The following MAP3K7 variants were observed in gnomAD, a reference collection of about 807,000 sequenced individuals.
MAP3K7 encodes mitogen-activated protein kinase kinase kinase 7.
Under a neutral mutation model 84.8 loss-of-function variants are expected in MAP3K7, and 21 were observed. The ratio of observed to expected loss-of-function variants is 0.25; its 90% CI spans 0.18 to 0.36. The LOEUF (loss-of-function observed/expected upper bound fraction) is 0.36. Among genes scored for constraint, MAP3K7 ranks in the 10% least tolerant of loss-of-function variants. The probability of loss-of-function intolerance (pLI) is 1.00; values close to 1 mark genes in which losing one functional copy is unlikely to be tolerated. For synonymous variants in MAP3K7, 241 were observed against 247.7 expected (o/e 0.97, Z 0.25); for missense variants, 503 against 747.7 (o/e 0.67, Z 3.82).
In MAP3K7 at chr6:90,547,270, C is replaced by T. The variant is rs781547814; in HGVS notation, c.1198G>A (p.Ala400Thr). 1.4e-5 allele frequency: 22 copies of T among 1,613,188 alleles called. No individual in the cohort carries two copies. The highest frequency in any genetic ancestry group is 1.8e-5 in the Non-Finnish European group (21 of 1,179,626). The part of the protein sequence containing the change: ...ADMSEIEARI[A>T]ATTAYSKPKR... ...AGTTCCTTTTTACCTGTGGTTGCGGCGATCCTAGCTTCTATTTCAGACATG... is the reference window on the plus strand; with the variant it reads ...AGTTCCTTTTTACCTGTGGTTGCGGTGATCCTAGCTTCTATTTCAGACATG... Residue 400 changes from alanine (A) to threonine (T), a missense_variant, in exon 11 of 17, where the codon GCC (alanine) becomes ACC (threonine). Physicochemically the swap from Ala to Thr is moderately conservative, Grantham distance 58 (BLOSUM62 0). Coordinates refer to ENST00000369329, the MANE Select transcript of MAP3K7 (RefSeq NM_145331.3).
In MAP3K7 at chr6:90,543,127, C is replaced by T. The variant is rs148143049; in HGVS notation, c.1291+1425G>A. Among the ~76,000 whole-genome samples, 719 of 152,160 alleles carry T rather than the reference C, an allele frequency of 4.7e-3. 1 individual carries two copies. The highest frequency in any genetic ancestry group is 8.0e-3 in the Non-Finnish European group (542 of 67,974). On this transcript the variant is annotated intron_variant, in intron 12 of 16. Transcript: ENST00000369329. The stretch of plus-strand genomic sequence containing the variant: ...TAAATGCTTCCACCTCTTTAAAGTA[C>T]GTCCCTTATACACAGTACCTTTCCG...
intron 7 of MAP3K7, among the ~76,000 whole-genome samples, chr6:90,552,954 T>C (rs568200074): frequency 7.2e-5 from 11 of 152,206 alleles, no homozygotes; most frequent in Admixed American, 2.0e-4. Context: ...TTTCCTAATC[T>C]GTAAAATGAG....
chr6:90,529,176 C>T (rs1775418302), intron 13 of MAP3K7, among the ~76,000 whole-genome samples: 1 of 152,208 alleles, frequency 6.6e-6, no homozygotes, highest in African/African-American at 2.4e-5. Context: ...GACTCTCCAT[C>T]AGCAGGTTTA....
intron 1 of MAP3K7, among the ~76,000 whole-genome samples, chr6:90,580,549 G>C (rs1483684609): frequency 6.6e-6 from 1 of 152,072 alleles, no homozygotes; most frequent in East Asian, 1.9e-4. Context: ...TCAAACTCCT[G>C]GCCTCATACA....
At chr6:90,558,177 C>T (rs1345470875) in intron 5 of MAP3K7, among the ~76,000 whole-genome samples, 1 of 151,958 alleles carries the variant, frequency 6.6e-6, no homozygotes, top group Non-Finnish European at 1.5e-5. Flanking sequence ...AAAAAATTAG[C>T]CAGGCATGGT....
chr6:90,523,687 C>G lies in MAP3K7; in HGVS notation c.1453G>C (p.Asp485His). The G allele has an allele frequency of 5.6e-6, 9 of 1,611,202 alleles. No homozygotes were observed. Among genetic ancestry groups the G allele is most frequent in the Non-Finnish European group, 6.8e-6 (8 of 1,177,516 alleles). Residue 485 changes from aspartate to histidine, a missense_variant, in exon 14 of 17, where the codon GAT (aspartate) becomes CAT (histidine). Physicochemically the swap from Asp to His is moderately conservative, Grantham distance 81. Coordinates refer to ENST00000369329, the MANE Select transcript of MAP3K7 (RefSeq NM_145331.3). ...GAAACAGACTGGTCACCTGTGGAAT[C>G]ATCAGGGGTCCATGGATGACTTCGA... is the stretch of plus-strand genomic sequence containing the variant. ...PTRSHPWTPD[D>H]STDTNGSDNS... is the part of the protein sequence containing the mutation.
chr6:90,523,346 T>C (rs1016989964), intron 14 of MAP3K7, among the ~76,000 whole-genome samples: 5 of 152,112 alleles, frequency 3.3e-5, no homozygotes, highest in African/African-American at 1.2e-4. Context: ...ATGACTTTAC[T>C]ACTATCATCT....
intron 4 of MAP3K7, 27 bp downstream of exon 4, chr6:90,561,595 G>A (rs762708993): frequency 1.9e-6 from 3 of 1,556,096 alleles, no homozygotes; most frequent in Non-Finnish European, 2.6e-6. Context: ...TAATCCACTA[G>A]ATAAAGACAG....
In MAP3K7 at chr6:90,516,625, C is replaced by A. The variant is rs767221108; in HGVS notation, c.1697G>T (p.Arg566Leu). The A allele has an allele frequency of 3.7e-6, 6 of 1,611,424 alleles. No individual in the cohort carries two copies. The highest frequency in any genetic ancestry group is 1.1e-5 in the South Asian group (1 of 90,662). ...QDEKDQQNTS[R>L]LVQEHKKLLD... ...AAGCTTTTTATGTTCCTGTACCAGG[C>A]GAGATGTATTTTGCTGGTCCTTTTC... The change falls in exon 17 of 17, where the codon CGC becomes CTC. Residue 566 changes from arginine to leucine, a missense_variant. Coordinates refer to ENST00000369329, the MANE Select transcript of MAP3K7 (RefSeq NM_145331.3).
chr6:90,559,221 C>A (rs191568588), intron 5 of MAP3K7, among the ~76,000 whole-genome samples: 1 of 152,116 alleles, frequency 6.6e-6, no homozygotes, highest in East Asian at 1.9e-4. Flanking sequence ...AGAGTTGGAA[C>A]CTATGTAGAG....
At chr6:90,576,556 A>G (rs1394879883) in intron 1 of MAP3K7, among the ~76,000 whole-genome samples, 1 of 152,120 alleles carries the variant, frequency 6.6e-6, no homozygotes, top group Non-Finnish European at 1.5e-5. Context: ...AGCCCAATCT[A>G]AGGGCTATGC....
In MAP3K7 at chr6:90,513,962, GATT is replaced by G. The variant is rs1178367401; in HGVS notation, c.*2536_*2538del. ...TGCTATGCGGTAAATATTCTTAACT[GATT>G]ATTATTCAACTCAAAAAAGTGATTT... On this transcript the variant is annotated 3_prime_UTR_variant, in exon 17 of 17. Transcript: ENST00000369329. 6.6e-6 allele frequency: 1 copy of G among 152,058 alleles called. No individual in the cohort carries two copies. Among genetic ancestry groups the G allele is most frequent in the Non-Finnish European group, 1.5e-5 (1 of 67,972 alleles). 9.4% of individuals were successfully genotyped at this position (152,058 alleles called of 1,614,324 possible). A position where few individuals can be genotyped will look rare whatever the true frequency, so the allele number is the denominator to read the frequency against.
chr6:90,550,418 T>A, intron 9 of MAP3K7, 50 bp downstream of exon 9: 1 of 1,183,614 alleles, frequency 8.4e-7, no homozygotes, highest in Non-Finnish European at 1.2e-6. Flanking sequence ...TTCATGGGAA[T>A]AGAGATGAAA....
At chr6:90,566,806 CAAA>C (rs1179990749) in intron 3 of MAP3K7, among the ~76,000 whole-genome samples, 1 of 152,176 alleles carries the variant, frequency 6.6e-6, no homozygotes, top group African/African-American at 2.4e-5. Flanking sequence ...TACCTGACTT[CAAA>C]CTATACTACA....
At chr6:90,560,587 CTT>C (rs1023501852) in intron 4 of MAP3K7, among the ~76,000 whole-genome samples, 3 of 152,154 alleles carry the variant, frequency 2.0e-5, no homozygotes. Flanking sequence ...GTCTTGATCT[CTT>C]GACCTCATGA....
chr6:90,559,323 CTA>C (rs778782894), intron 5 of MAP3K7, among the ~76,000 whole-genome samples: 1 of 151,718 alleles, frequency 6.6e-6, no homozygotes, highest in Non-Finnish European at 1.5e-5. Flanking sequence ...TAACTGAAGA[CTA>C]TACTGATTTC....
chr6:90,579,246 T>G (rs143267376), intron 1 of MAP3K7, among the ~76,000 whole-genome samples: 97 of 152,350 alleles, frequency 6.4e-4, no homozygotes, highest in Non-Finnish European at 1.2e-3. Flanking sequence ...TAAAAAGCCC[T>G]AATCTCCTTT....
chr6:90,520,482 A>T (rs986647965), intron 14 of MAP3K7, among the ~76,000 whole-genome samples: 1 of 152,022 alleles, frequency 6.6e-6, no homozygotes, highest in Non-Finnish European at 1.5e-5. Flanking sequence ...GAGCCAGTGC[A>T]TGTGAGGAAC....
intron 6 of MAP3K7, among the ~76,000 whole-genome samples, chr6:90,554,876 A>G (rs1158807423): frequency 6.6e-6 from 1 of 152,168 alleles, no homozygotes; most frequent in Non-Finnish European, 1.5e-5. Context: ...ATTTATTACT[A>G]AATTGAATTT....
Sources: allele counts gnomAD v4.1 joint callset (sites outside exome capture counted in the v4.1 genomes callset), GRCh38; gene constraint gnomAD v4.1.1; transcripts MANE v1.5; gene names NCBI Gene and HGNC (gene_info 2026-07-23, HGNC 2026-07-21).